The following KCNAB3 variants were observed in gnomAD, a reference collection of about 807,000 sequenced individuals.
KCNAB3 encodes the protein voltage-gated potassium channel subunit beta-3.
KCNAB3 carries 62 observed loss-of-function variants against 67.7 expected under a neutral mutation model. The ratio of observed to expected loss-of-function variants is 0.92; its 90% CI spans 0.75 to 1.13. The LOEUF is 1.13. Ranked by LOEUF, KCNAB3 falls within the 50% of genes most tolerant of loss-of-function variation. The pLI is 0.00. For synonymous variants in KCNAB3, 212 were observed against 205.4 expected (o/e 1.03, Z -0.27); for missense variants, 514 against 522.9 (o/e 0.98, Z 0.17).
At position 7,923,343 on chromosome 17, in the gene KCNAB3, A is replaced by G. The variant is rs1972107383; in HGVS notation, c.1137+113T>C. The G allele has an allele frequency of 1.9e-5, 24 of 1,285,822 alleles. No individual in the cohort carries two copies. The South Asian group carries it at 2.8e-4, about 15-fold the overall frequency. 79.7% of individuals were successfully genotyped at this position (1,285,822 alleles called of 1,614,324 possible). A position where few individuals can be genotyped will look rare whatever the true frequency, so the allele number is the denominator to read the frequency against. ...TCCGGCCCTGGGACCTCTCACCTGC[A>G]AAGTGAGGACTTTGTAGTGGGTGAC... On this transcript the variant is annotated intron_variant, in intron 13 of 13. Transcript: ENST00000303790.
chr17:7,923,015 G>A lies in KCNAB3; in HGVS notation c.*87C>T. On this transcript the variant is annotated 3_prime_UTR_variant, in exon 14 of 14. Coordinates refer to ENST00000303790, the MANE Select transcript of KCNAB3 (RefSeq NM_004732.4). ...AGTCTGGCTCCGGCCGCTGCGTGGA[G>A]GGATCCGGAGCGGGAGAGGCGGCTG... 7.7e-7 allele frequency: 1 copy of A among 1,291,272 alleles called. No individual in the cohort carries two copies. Among genetic ancestry groups the A allele is most frequent in the Non-Finnish European group, 1.1e-6 (1 of 888,520 alleles). The allele number at this position is 1,291,272 out of a possible 1,614,324, so 80.0% of individuals were successfully genotyped here.
In KCNAB3 at chr17:7,927,796, G is replaced by A; in HGVS notation, c.273C>T (p.Ser91=). ...ATTCTGACTCACCTAGGCCAAGACA[G>A]GATACCCGAAGACCAGACTTCCCTA... ...RNLGKSGLRV[S]CLGLGTWVTF... Residue 91 remains serine, a synonymous_variant, in exon 2 of 14, where the codon TCC becomes TCT. Transcript: ENST00000303790. 1 of 1,614,144 alleles carries A rather than the reference G, an allele frequency of 6.2e-7. No homozygotes were observed. Among genetic ancestry groups the A allele is most frequent in the Non-Finnish European group, 8.5e-7 (1 of 1,180,014 alleles).
chr17:7,922,889 G>A lies in KCNAB3; in HGVS notation c.*213C>T, dbSNP rs376580024. The A allele has an allele frequency of 6.8e-5, 40 of 588,512 alleles. No homozygotes were observed. Among genetic ancestry groups the A allele is most frequent in the South Asian group, 4.1e-4 (21 of 50,734 alleles). The allele number at this position is 588,512 out of a possible 1,614,324, so 36.5% of individuals were successfully genotyped here. On this transcript the variant is annotated 3_prime_UTR_variant, in exon 14 of 14. Transcript: ENST00000303790. Reference sequence around the variant, plus strand: ...GAAGGGCCTAGAAAGACGCAGCAGGGGGCGGGCGTGCTACTTTCTCTCTCG... The same window carrying A: ...GAAGGGCCTAGAAAGACGCAGCAGGAGGCGGGCGTGCTACTTTCTCTCTCG...
At position 7,924,452 on chromosome 17, in the gene KCNAB3, TATAGGGCCA is replaced by T; in HGVS notation, c.665_673del (p.Leu222_Tyr225delinsHis). On this transcript the variant is annotated inframe_deletion, in exon 9 of 14. Transcript: ENST00000303790. ...AGCCCCCCATCGGGATGTCCCCCAG[TATAGGGCCA>T]GGCCCTGGTTGATGACATAGGTCAT... 1 of 1,614,088 alleles carries T rather than the reference TATAGGGCCA, an allele frequency of 6.2e-7. No individual in the cohort carries two copies. Among genetic ancestry groups the T allele is most frequent in the South Asian group, 1.1e-5 (1 of 91,074 alleles).
chr17:7,929,131 C>G lies in KCNAB3; in HGVS notation c.242+63G>C, dbSNP rs866767792. ...TTTGAAGGGGTCTTGGCGGCCATCT[C>G]AAGCAGTCTCAGGGGTCCCGAAAGG... On this transcript the variant is annotated intron_variant, in intron 1 of 13. Transcript: ENST00000303790. The surrounding 1 kb of genome is among the most constrained non-coding windows in gnomAD (Gnocchi z 5.7). 1 of 1,585,104 alleles carries G rather than the reference C, an allele frequency of 6.3e-7. No homozygotes were observed. Among genetic ancestry groups the G allele is most frequent in the Non-Finnish European group, 8.6e-7 (1 of 1,168,904 alleles).
intron 11 of KCNAB3, 45 bp from the exon 12 acceptor site, chr17:7,923,876 A>G: frequency 6.4e-7 from 1 of 1,561,478 alleles, no homozygotes; most frequent in Non-Finnish European, 8.7e-7. Context: ...CATCACCACC[A>G]CCACCACCAC....
In KCNAB3 at chr17:7,929,595, G is replaced by C; in HGVS notation, c.-160C>G. Reference sequence around the variant, plus strand: ...GCCGCCAGGCAGGATCGGGCCCGCGGGGGCGGGCTGCTGGAGGTCGCGAGG... The same window carrying C: ...GCCGCCAGGCAGGATCGGGCCCGCGCGGGCGGGCTGCTGGAGGTCGCGAGG... On this transcript the variant is annotated 5_prime_UTR_variant, in exon 1 of 14. Transcript: ENST00000303790. This position sits in a 1 kb window ranked among gnomAD's most constrained non-coding sequence, Gnocchi z 5.7. 1 of 1,438,100 alleles carries C rather than the reference G, an allele frequency of 7.0e-7. No individual in the cohort carries two copies. The highest frequency in any genetic ancestry group is 9.1e-7 in the Non-Finnish European group (1 of 1,104,832). The allele number at this position is 1,438,100 out of a possible 1,614,324, so 89.1% of individuals were successfully genotyped here.
At chr17:7,923,356 T>C in intron 13 of KCNAB3, 100 bp downstream of exon 13, 3 of 1,322,160 alleles carry the variant, frequency 2.3e-6, no homozygotes, top group Admixed American at 3.9e-5. Flanking sequence ...GTGAGGACTT[T>C]GTAGTGGGTG....
At position 7,926,110 on chromosome 17, in the gene KCNAB3, G is replaced by C. The variant is rs1972222930; in HGVS notation, c.405-7C>G. On this transcript the variant is annotated splice_region_variant and splice_polypyrimidine_tract_variant and intron_variant, in intron 4 of 13. Transcript: ENST00000303790. ...CCCTAGGGTTCTTTCAGCCCTAAAA[G>C]AAACATAAGGCAGAGCCACTGATCC... The C allele has an allele frequency of 6.2e-7, 1 of 1,613,936 alleles. No homozygotes were observed. The highest frequency in any genetic ancestry group is 1.3e-5 in the African/African-American group (1 of 74,888).
At chr17:7,926,170 A>C in intron 4 of KCNAB3, 67 bp from the exon 5 acceptor site, 1 of 1,571,988 alleles carries the variant, frequency 6.4e-7, no homozygotes, top group South Asian at 1.1e-5. Context: ...TCTCCTCCCC[A>C]CCTTTTCCTC....
rs190134734 is a variant in KCNAB3, at chr17:7,923,664, G to A, written c.1048+47C>T. 3,531 of 1,552,222 alleles carry A rather than the reference G, an allele frequency of 2.3e-3. 7 individuals carry two copies. Among genetic ancestry groups the A allele is most frequent in the Middle Eastern group, 3.9e-3 (22 of 5,666 alleles). ...CAAACCAGTTTTAGGATGGGCTTGGGAGCATGTCAGGAGGAGACAGGGCCC... is the reference window on the plus strand; with the variant it reads ...CAAACCAGTTTTAGGATGGGCTTGGAAGCATGTCAGGAGGAGACAGGGCCC... On this transcript the variant is annotated intron_variant, in intron 12 of 13. Transcript: ENST00000303790.
intron 13 of KCNAB3, 50 bp from the exon 14 acceptor site, chr17:7,923,229 G>T: frequency 6.4e-7 from 1 of 1,554,336 alleles, no homozygotes. Flanking sequence ...GGGTCACTGA[G>T]AAAGGGCATG....
In KCNAB3 at chr17:7,924,674, T is replaced by C. The variant is rs1972167242; in HGVS notation, c.626-174A>G. 8.0e-6 allele frequency: 11 copies of C among 1,377,122 alleles called. No individual in the cohort carries two copies. The South Asian group carries it at 1.7e-4, about 22-fold the overall frequency. The allele number at this position is 1,377,122 out of a possible 1,614,324, so 85.3% of individuals were successfully genotyped here. A position where few individuals can be genotyped will look rare whatever the true frequency, so the allele number is the denominator to read the frequency against. On this transcript the variant is annotated intron_variant, in intron 8 of 13. Coordinates refer to ENST00000303790, the MANE Select transcript of KCNAB3 (RefSeq NM_004732.4). ...CACATCCTGGAGTCTCAGCCTCCAC[T>C]GTGGAGTTTTGGAGGCCTTCTGAGC... is the stretch of plus-strand genomic sequence containing the variant.
chr17:7,926,005 A>G, intron 5 of KCNAB3, 30 bp from the exon 6 acceptor site: 4 of 1,614,182 alleles, frequency 2.5e-6, no homozygotes, highest in Non-Finnish European at 3.4e-6. Context: ...AGAACCAGTA[A>G]GAAAAGGATT....
chr17:7,926,041 C>A lies in KCNAB3; in HGVS notation c.449+18G>T, dbSNP rs772370133. The stretch of plus-strand genomic sequence containing the variant: ...TTTGGGTGATCACATCCCCAGCAAC[C>A]CCCCAAAACAGTCTCACCTCCAACC... On this transcript the variant is annotated intron_variant, in intron 5 of 13. Transcript: ENST00000303790. 4.0e-5 allele frequency: 65 copies of A among 1,614,028 alleles called. No homozygotes were observed. The African/African-American group carries it at 7.6e-4, about 19-fold the overall frequency.
rs1324913100 is a variant in KCNAB3 at position 7,922,125 on chromosome 17, C to G, written c.*977G>C. On this transcript the variant is annotated 3_prime_UTR_variant, in exon 14 of 14. Coordinates refer to ENST00000303790, the MANE Select transcript of KCNAB3 (RefSeq NM_004732.4). ...TTTCTAATGTTAGGGGGCGAGAGGG[C>G]CAGACAAGTGAGACTGTGACCCTAA... is the stretch of plus-strand genomic sequence containing the variant. 6.6e-6 allele frequency: 1 copy of G among 152,102 alleles called. No homozygotes were observed. Among genetic ancestry groups the G allele is most frequent in the Non-Finnish European group, 1.5e-5 (1 of 68,040 alleles). The allele number at this position is 152,102 out of a possible 1,614,324, so 9.4% of individuals were successfully genotyped here.
In KCNAB3 at chr17:7,922,337, TTTTA is replaced by T. The variant is rs753362297; in HGVS notation, c.*761_*764del. 12 of 151,988 alleles carry T rather than the reference TTTTA, an allele frequency of 7.9e-5. No homozygotes were observed. The highest frequency in any genetic ancestry group is 1.3e-4 in the Admixed American group (2 of 15,260). The allele number at this position is 151,988 out of a possible 1,614,324, so 9.4% of individuals were successfully genotyped here. A position where few individuals can be genotyped will look rare whatever the true frequency, so the allele number is the denominator to read the frequency against. On this transcript the variant is annotated 3_prime_UTR_variant, in exon 14 of 14. Transcript: ENST00000303790. ...AGGCTCAAAAGTCTATACCCAGACG[TTTTA>T]TTTATTTATTTTTTTTAAATCAAGG... is the stretch of plus-strand genomic sequence containing the variant.
Position 7,929,398 on chromosome 17 carries a change from C to T in KCNAB3, c.38G>A (p.Arg13His), listed in dbSNP as rs1402347499. The change falls in exon 1 of 14, where the codon CGC becomes CAC. Residue 13 changes from arginine (R) to histidine (H), a missense_variant. Arg to His is a conservative substitution (Grantham distance 29, BLOSUM62 0). Transcript: ENST00000303790. This position sits in a 1 kb window ranked among gnomAD's most constrained non-coding sequence, Gnocchi z 5.7. The stretch of plus-strand genomic sequence containing the variant: ...CAGACGGTCCTCACTGCTCCGGCTG[C>T]GAAGGTTCTGCTCGGTACACGCGAT... Reference protein sequence around the residue: ...VSIACTEQNLRSRSSEDRLCG... With the variant: ...VSIACTEQNLHSRSSEDRLCG... The T allele has an allele frequency of 6.5e-7, 1 of 1,548,372 alleles. No homozygotes were observed. Among genetic ancestry groups the T allele is most frequent in the Non-Finnish European group, 8.7e-7 (1 of 1,146,458 alleles).
chr17:7,927,691 G>A lies in KCNAB3; in HGVS notation c.290C>T (p.Thr97Ile). ...GLRVSCLGLG[T>I]WVTFGSQISD... ...GATCTGAGAACCAAATGTGACCCAGGTACCTGCAAGAGAGAAGCCAGGCAC... is the reference window on the plus strand; with the variant it reads ...GATCTGAGAACCAAATGTGACCCAGATACCTGCAAGAGAGAAGCCAGGCAC... The change falls in exon 3 of 14, where the codon ACC becomes ATC. Residue 97 changes from threonine (T) to isoleucine (I), a missense_variant. Transcript: ENST00000303790. 1 of 1,614,106 alleles carries A rather than the reference G, an allele frequency of 6.2e-7. No individual in the cohort carries two copies. The highest frequency in any genetic ancestry group is 8.5e-7 in the Non-Finnish European group (1 of 1,180,010).
Sources: gnomAD v4.1 joint callset for allele counts on GRCh38, gnomAD v4.1.1 for gene constraint, Gnocchi (gnomAD v3.1) non-coding constraint, MANE v1.5 for transcripts, NCBI Gene and HGNC (gene_info 2026-07-23, HGNC 2026-07-21) for gene names.